The following IL1RL2 variants were observed in gnomAD, a reference collection of about 807,000 sequenced individuals.
IL1RL2 encodes the protein interleukin 1 receptor like 2, also known as interleukin-1 receptor-like 2.
Under a neutral mutation model 66.8 loss-of-function variants are expected in IL1RL2, and 68 were observed. That is an observed-to-expected ratio of 1.02 (90% CI 0.84 to 1.25). The LOEUF is 1.25. Among genes scored for constraint, IL1RL2 ranks in the 50% most tolerant of loss-of-function variants. The pLI, the probability that IL1RL2 is intolerant of heterozygous loss-of-function variation, is 0.00. For synonymous variants in IL1RL2, 305 were observed against 264.6 expected (o/e 1.15, Z -1.48); for missense variants, 729 against 709.3 (o/e 1.03, Z -0.32).
chr2:102,214,938 GGAATCC>G (rs1234509680), intron 6 of IL1RL2, among the ~76,000 whole-genome samples: 2 of 152,180 alleles, frequency 1.3e-5, no homozygotes, highest in Non-Finnish European at 2.9e-5. Flanking sequence ...TGGAAATGAT[GGAATCC>G]CTGTGGAGCA....
chr2:102,235,854 A>G, intron 11 of IL1RL2: 1 of 985,438 alleles, frequency 1.0e-6, no homozygotes, highest in Non-Finnish European at 1.2e-6. Flanking sequence ...TTCCAGAAGC[A>G]AGTTAAAAGT....
chr2:102,189,350 A>T (rs1192533635), intron 3 of IL1RL2, 40 bp downstream of exon 3: 1 of 1,212,300 alleles, frequency 8.2e-7, no homozygotes, highest in Non-Finnish European at 1.2e-6. Flanking sequence ...TCGTGTGTGT[A>T]TGTATAAATT....
At chr2:102,229,598 G>T (rs557541397) in intron 9 of IL1RL2, among the ~76,000 whole-genome samples, 10 of 152,196 alleles carry the variant, frequency 6.6e-5, no homozygotes, top group Non-Finnish European at 1.5e-4. Context: ...GCCGTTGCCT[G>T]GCAAGGCTCT....
intron 10 of IL1RL2, among the ~76,000 whole-genome samples, chr2:102,234,559 C>T (rs926216639): frequency 3.9e-5 from 6 of 152,242 alleles, no homozygotes; most frequent in Admixed American, 3.9e-4. Context: ...CTTGAGAGGC[C>T]GAGGTGGGCA....
intron 6 of IL1RL2, among the ~76,000 whole-genome samples, chr2:102,217,425 T>C (rs1559549746): frequency 1.3e-5 from 2 of 152,138 alleles, no homozygotes; most frequent in Non-Finnish European, 2.9e-5. Context: ...AAAATTTGTA[T>C]AGGACCATAA....
At chr2:102,238,607 A>T (rs1434452347) in intron 11 of IL1RL2, among the ~76,000 whole-genome samples, 1 of 151,990 alleles carries the variant, frequency 6.6e-6, no homozygotes. Flanking sequence ...CCTCTAACAC[A>T]TGCTTGTTTG....
intron 4 of IL1RL2, among the ~76,000 whole-genome samples, chr2:102,199,723 A>G (rs1233222836): frequency 6.6e-6 from 1 of 152,194 alleles, no homozygotes; most frequent in African/African-American, 2.4e-5. Context: ...GTATATCTTG[A>G]AAGAAAGAAT....
chr2:102,226,981 A>G (rs1383724674), intron 9 of IL1RL2, among the ~76,000 whole-genome samples: 1 of 152,224 alleles, frequency 6.6e-6, no homozygotes, highest in African/African-American at 2.4e-5. Flanking sequence ...CTGTGGGCCT[A>G]TGTCCTGCCA....
In IL1RL2 at chr2:102,239,235, T is replaced by C. The variant is rs1053431313; in HGVS notation, c.1722T>C (p.Thr574=). 24 of 1,613,840 alleles carry C rather than the reference T, an allele frequency of 1.5e-5. No homozygotes were observed. Among genetic ancestry groups the C allele is most frequent in the Non-Finnish European group, 2.0e-5 (24 of 1,179,828 alleles). The change falls in exon 12 of 12, where the codon ACT becomes ACC. Residue 574 remains threonine (T), a synonymous_variant. Transcript: ENST00000264257. ...GAAGAAAGAAGTGTACTCTCACGAC[T>C]GGCTAAGACTTGCTGGACTGACACC... The part of the protein sequence containing the change: ...GSRRKKCTLT[T]G
intron 2 of IL1RL2, 133 bp downstream of exon 2, chr2:102,188,058 C>G: frequency 1.2e-6 from 1 of 814,938 alleles, no homozygotes; most frequent in Non-Finnish European, 2.1e-6. Context: ...AGGCGGAGTT[C>G]CGCGGAAGAG....
chr2:102,203,760 G>A (rs1199777116), intron 5 of IL1RL2, among the ~76,000 whole-genome samples: 1 of 151,866 alleles, frequency 6.6e-6, no homozygotes, highest in Non-Finnish European at 1.5e-5. Flanking sequence ...CAGTTGTAAT[G>A]TCTCCTTATT....
At position 102,234,902 on chromosome 2, in the gene IL1RL2, G is replaced by A; in HGVS notation, c.1303G>A (p.Ala435Thr). ...GRDEFPGQAVANVIDENVKLC... is the reference protein window; with the variant it reads ...GRDEFPGQAVTNVIDENVKLC... ...CCTTCTTTCTTTATTTCCAGCCGTG[G>A]CCAATGTCATCGATGAAAACGTTAA... is the stretch of plus-strand genomic sequence containing the variant. Residue 435 changes from alanine to threonine, a missense_variant, in exon 11 of 12, where the codon GCC (alanine) becomes ACC (threonine). Physicochemically the swap from Ala to Thr is moderately conservative, Grantham distance 58. Coordinates refer to ENST00000264257, the MANE Select transcript of IL1RL2 (RefSeq NM_003854.4). 6.2e-7 allele frequency: 1 copy of A among 1,610,994 alleles called. No individual in the cohort carries two copies. The highest frequency in any genetic ancestry group is 8.5e-7 in the Non-Finnish European group (1 of 1,177,410).
chr2:102,199,222 A>G (rs1309288072), intron 4 of IL1RL2, among the ~76,000 whole-genome samples: 1 of 152,180 alleles, frequency 6.6e-6, no homozygotes, highest in Non-Finnish European at 1.5e-5. Context: ...GGTCTTTAGC[A>G]TTGCACTATT....
At position 102,235,066 on chromosome 2, in the gene IL1RL2, G is replaced by T. The variant is rs1340591353; in HGVS notation, c.1467G>T (p.Glu489Asp). The change falls in exon 11 of 12, where the codon GAG (glutamate) becomes GAT (aspartate). Residue 489 changes from glutamate (E) to aspartate (D), a missense_variant. Coordinates refer to ENST00000264257, the MANE Select transcript of IL1RL2 (RefSeq NM_003854.4). ...DGMKVILIEL[E>D]KIEDYTVMPE... Reference sequence around the variant, plus strand: ...TGAAGGTTATTCTCATTGAGCTGGAGAAAATCGAGGACTACACAGTCATGC... The same window carrying T: ...TGAAGGTTATTCTCATTGAGCTGGATAAAATCGAGGACTACACAGTCATGC... 24 of 1,614,072 alleles carry T rather than the reference G, an allele frequency of 1.5e-5. No individual in the cohort carries two copies. Among genetic ancestry groups the T allele is most frequent in the Non-Finnish European group, 2.0e-5 (24 of 1,180,050 alleles).
At chr2:102,237,878 A>G (rs1675016022) in intron 11 of IL1RL2, among the ~76,000 whole-genome samples, 1 of 152,082 alleles carries the variant, frequency 6.6e-6, no homozygotes, top group Admixed American at 6.6e-5. Context: ...GCCACCCTCA[A>G]TTCTCTCCCG....
chr2:102,233,429 G>C (rs1363266338), intron 10 of IL1RL2, among the ~76,000 whole-genome samples: 1 of 152,252 alleles, frequency 6.6e-6, no homozygotes. Context: ...CAGTGATGTA[G>C]TGGTGGCTAA....
chr2:102,187,285 A>G (rs1341679954), intron 1 of IL1RL2, 199 bp downstream of exon 1: 2 of 1,172,814 alleles, frequency 1.7e-6, no homozygotes, highest in Admixed American at 7.3e-5. Context: ...GCTCGCGGCT[A>G]TTTTCAGCTC....
intron 4 of IL1RL2, among the ~76,000 whole-genome samples, chr2:102,193,307 T>C (rs1034882201): frequency 6.6e-6 from 1 of 152,242 alleles, no homozygotes; most frequent in Non-Finnish European, 1.5e-5. Context: ...ATTGCTCATT[T>C]GTAGGGCATG....
chr2:102,232,783 C>T (rs1026472900), intron 9 of IL1RL2, among the ~76,000 whole-genome samples, 180 bp from the exon 10 acceptor site: 1 of 152,136 alleles, frequency 6.6e-6, no homozygotes, highest in Non-Finnish European at 1.5e-5. Flanking sequence ...CCTCAGGGGT[C>T]CATTTGTGAG....
Sources: allele counts gnomAD v4.1 joint callset (sites outside exome capture counted in the v4.1 genomes callset), GRCh38; gene constraint gnomAD v4.1.1; transcripts MANE v1.5; gene names NCBI Gene and HGNC (gene_info 2026-07-23, HGNC 2026-07-21).